The following GRM7 variants were observed in gnomAD, a reference collection of about 807,000 sequenced individuals.
GRM7 encodes the protein metabotropic glutamate receptor 7.
In GRM7, 35 loss-of-function variants were observed where a neutral mutation model predicts 84.5. That is an observed-to-expected ratio of 0.41 (90% confidence interval 0.32 to 0.55). GRM7 has a LOEUF of 0.55. GRM7 is among the 20% of genes least tolerant of loss of function. The probability of loss-of-function intolerance (pLI) is 0.19; values close to 1 mark genes in which losing one functional copy is unlikely to be tolerated. For synonymous variants in GRM7, 487 were observed against 455.1 expected, an observed-to-expected ratio of 1.07 and a Z score of -0.89; for missense variants, 1,003 against 1,194.6, an observed-to-expected ratio of 0.84 and a Z score of 2.36.
At chr3:7,119,941 A>C (rs1693164161) in intron 1 of GRM7, among the ~76,000 whole-genome samples, 1 of 152,092 alleles carries the variant, frequency 6.6e-6, no homozygotes, top group Non-Finnish European at 1.5e-5. Flanking sequence ...TTGATTTAAT[A>C]TGGCTTTTCC....
chr3:7,398,007 C>G (rs902048576), intron 4 of GRM7, among the ~76,000 whole-genome samples: 2 of 152,016 alleles, frequency 1.3e-5, no homozygotes, highest in African/African-American at 4.8e-5. Flanking sequence ...AACACCAACC[C>G]CCCACCAAAA....
intron 1 of GRM7, among the ~76,000 whole-genome samples, chr3:6,972,176 G>A (rs532166690): frequency 6.6e-6 from 1 of 152,250 alleles, no homozygotes; most frequent in East Asian, 1.9e-4. Context: ...TTGTGTTGTG[G>A]CATTTTCTCA....
At chr3:7,167,551 G>A (rs1046220146) in intron 2 of GRM7, among the ~76,000 whole-genome samples, 14 of 152,238 alleles carry the variant, frequency 9.2e-5, no homozygotes, top group East Asian at 5.8e-4. Flanking sequence ...AGTAAGCCTC[G>A]GAAAATGCAA....
Position 7,146,553 on chromosome 3 carries a change from G to C in GRM7, c.621G>C (p.Gln207His), listed in dbSNP as rs763321891. 1 of 1,613,946 alleles carries C rather than the reference G, an allele frequency of 6.2e-7. No individual in the cohort carries two copies. Among genetic ancestry groups the C allele is most frequent in the Non-Finnish European group, 8.5e-7 (1 of 1,179,946 alleles). ...RVVPPDSFQAQAMVDIVKALG... is the reference protein window; with the variant it reads ...RVVPPDSFQAHAMVDIVKALG... ...TGCCACCCGATTCCTTCCAAGCCCAGGCCATGGTAGACATTGTAAAGGCCC... is the reference window on the plus strand; with the variant it reads ...TGCCACCCGATTCCTTCCAAGCCCACGCCATGGTAGACATTGTAAAGGCCC... The change falls in exon 2 of 10, where the codon CAG becomes CAC. Residue 207 changes from glutamine (Q) to histidine (H), a missense_variant. Physicochemically the swap from Gln to His is conservative, Grantham distance 24. Transcript: ENST00000357716.
At chr3:7,515,961 A>G (rs1000002527) in intron 7 of GRM7, among the ~76,000 whole-genome samples, 67 of 152,110 alleles carry the variant, frequency 4.4e-4, no homozygotes, top group African/African-American at 1.5e-3. Context: ...TGGGAAACAT[A>G]GGGAGACCCT....
At chr3:7,163,498 G>T (rs1452263014) in intron 2 of GRM7, among the ~76,000 whole-genome samples, 2 of 152,204 alleles carry the variant, frequency 1.3e-5, no homozygotes, top group Non-Finnish European at 2.9e-5. Context: ...CCTCATTGCA[G>T]CTAGGGGTTT....
intron 8 of GRM7, among the ~76,000 whole-genome samples, chr3:7,664,640 C>T (rs972523581): frequency 1.6e-4 from 24 of 152,168 alleles, no homozygotes; most frequent in African/African-American, 5.3e-4. Context: ...AGGTATTTCT[C>T]CTAATGCTAT....
intron 1 of GRM7, among the ~76,000 whole-genome samples, chr3:7,013,024 G>A (rs1484431105): frequency 1.3e-5 from 2 of 152,016 alleles, no homozygotes; most frequent in Admixed American, 1.3e-4. Context: ...ACAGGTATGA[G>A]CAATGGCACC....
At chr3:7,601,975 C>G (rs541786356) in intron 8 of GRM7, among the ~76,000 whole-genome samples, 4 of 150,800 alleles carry the variant, frequency 2.7e-5, no homozygotes, top group African/African-American at 9.8e-5. Context: ...GAACAATAAG[C>G]CATGCGGAAA....
intron 1 of GRM7, among the ~76,000 whole-genome samples, chr3:6,905,765 A>G (rs1029542457): frequency 1.3e-5 from 2 of 152,200 alleles, no homozygotes; most frequent in Non-Finnish European, 2.9e-5. Context: ...TCAAAAAAAG[A>G]TAATTCTTAT....
chr3:7,168,674 A>G (rs1694885261), intron 2 of GRM7, among the ~76,000 whole-genome samples: 1 of 152,176 alleles, frequency 6.6e-6, no homozygotes, highest in African/African-American at 2.4e-5. Flanking sequence ...ATTCCTGTTA[A>G]TATAATCTAA....
chr3:7,586,065 T>G (rs1575525753), intron 8 of GRM7, among the ~76,000 whole-genome samples: 1 of 152,206 alleles, frequency 6.6e-6, no homozygotes, highest in East Asian at 1.9e-4. Flanking sequence ...TCACTTAACT[T>G]ATTTGGTCTT....
chr3:6,995,997 C>A lies in GRM7; in HGVS notation c.519+134090C>A, dbSNP rs1193397159. 2.0e-5 allele frequency among the ~76,000 whole-genome samples: 3 copies of A among 152,152 alleles called. 1 individual carries two copies. The highest frequency in any genetic ancestry group is 4.4e-5 in the Non-Finnish European group (3 of 68,030). ...TAGGTATGCTCACTTCATGAAAACG[C>A]ATCCAGCCATACATATGCCTGATGA... On this transcript the variant is annotated intron_variant, in intron 1 of 9. Coordinates refer to ENST00000357716, the MANE Select transcript of GRM7 (RefSeq NM_000844.4).
intron 2 of GRM7, among the ~76,000 whole-genome samples, chr3:7,190,425 G>A (rs1020520458): frequency 6.6e-6 from 1 of 152,098 alleles, no homozygotes; most frequent in Non-Finnish European, 1.5e-5. Flanking sequence ...AAACAGATGT[G>A]TGTTGGTTTT....
intron 8 of GRM7, among the ~76,000 whole-genome samples, chr3:7,627,499 A>G (rs1305738465): frequency 6.6e-6 from 1 of 152,232 alleles, no homozygotes; most frequent in Non-Finnish European, 1.5e-5. Flanking sequence ...AGGTGCAGAA[A>G]GGTCAGCATG....
intron 9 of GRM7, among the ~76,000 whole-genome samples, chr3:7,715,630 T>A (rs186747467): frequency 6.6e-6 from 1 of 152,306 alleles, no homozygotes; most frequent in East Asian, 1.9e-4. Flanking sequence ...GTTGTTCTTA[T>A]TAAAGAGCTA....
intron 2 of GRM7, among the ~76,000 whole-genome samples, chr3:7,182,134 T>C (rs1695359693): frequency 6.6e-6 from 1 of 152,200 alleles, no homozygotes; most frequent in Non-Finnish European, 1.5e-5. Flanking sequence ...TATTTCATTG[T>C]CCTTTTTCTT....
At chr3:7,076,394 T>A (rs890636153) in intron 1 of GRM7, among the ~76,000 whole-genome samples, 1 of 152,100 alleles carries the variant, frequency 6.6e-6, no homozygotes, top group East Asian at 1.9e-4. Context: ...GTTTCCCCCA[T>A]GCTGTTCTTG....
chr3:6,900,758 A>G (rs947715962), intron 1 of GRM7, among the ~76,000 whole-genome samples: 1 of 152,228 alleles, frequency 6.6e-6, no homozygotes, highest in African/African-American at 2.4e-5. Context: ...ATTTCCCATA[A>G]CAATGCAGTG....
Sources: allele counts gnomAD v4.1 joint callset (sites outside exome capture counted in the v4.1 genomes callset), GRCh38; gene constraint gnomAD v4.1.1; transcripts MANE v1.5; gene names NCBI Gene and HGNC (gene_info 2026-07-23, HGNC 2026-07-21).